The following LAMA4 variants were observed in gnomAD, a reference collection of about 807,000 sequenced individuals.
LAMA4 encodes laminin subunit alpha-4.
LAMA4 carries 127 observed loss-of-function variants against 207.1 expected under a neutral mutation model. The ratio of observed to expected loss-of-function variants is 0.61; its 90% confidence interval spans 0.53 to 0.71. The LOEUF is 0.71. Ranked by LOEUF, LAMA4 falls within the 30% of genes least tolerant of loss-of-function variation. The pLI is 0.00. For synonymous variants in LAMA4, 761 were observed against 816.0 expected, an observed-to-expected ratio of 0.93 and a Z score of 1.15; for missense variants, 2,093 against 2,246.5, an observed-to-expected ratio of 0.93 and a Z score of 1.38.
intron 9 of LAMA4, among the ~76,000 whole-genome samples, chr6:112,181,851 C>T (rs1782379105): frequency 6.6e-6 from 1 of 152,144 alleles, no homozygotes; most frequent in Non-Finnish European, 1.5e-5. Context: ...GTAATTCCAG[C>T]ACTTTGGGAG....
Position 112,133,504 on chromosome 6 carries a change from G to A in LAMA4, c.3558-17C>T, listed in dbSNP as rs369354617. The A allele has an allele frequency of 4.8e-5, 77 of 1,613,394 alleles. No individual in the cohort carries two copies. The Middle Eastern group carries it at 9.9e-4, about 21-fold the overall frequency. On this transcript the variant is annotated splice_polypyrimidine_tract_variant and intron_variant, in intron 26 of 38. Coordinates refer to ENST00000230538, the MANE Select transcript of LAMA4 (RefSeq NM_001105206.3). ...CTGAGGGCCCTGGAAAAGAAAGTCAGCCTCACTGATACAGCCATGATGATG... is the reference window on the plus strand; with the variant it reads ...CTGAGGGCCCTGGAAAAGAAAGTCAACCTCACTGATACAGCCATGATGATG...
chr6:112,223,357 A>C (rs1227317517), intron 2 of LAMA4, among the ~76,000 whole-genome samples: 2 of 152,220 alleles, frequency 1.3e-5, no homozygotes, highest in Non-Finnish European at 2.9e-5. Flanking sequence ...TTGACTCCTT[A>C]GCTACTTAGA....
Position 112,178,155 on chromosome 6 carries a change from T to C in LAMA4, c.1155A>G (p.Val385=), listed in dbSNP as rs782668265. 5 of 1,613,866 alleles carry C rather than the reference T, an allele frequency of 3.1e-6. No individual in the cohort carries two copies. The highest frequency in any genetic ancestry group is 4.5e-5 in the East Asian group (2 of 44,868). The change falls in exon 10 of 39, where the codon GTA becomes GTG. Residue 385 remains valine (V), a synonymous_variant. Transcript: ENST00000230538. ...MDTINHASQL[V]EQAHDMRDKI... The stretch of plus-strand genomic sequence containing the variant: ...TATCCCTCATATCATGGGCTTGCTC[T>C]ACCAGCTGACTTGCGTGGTTAATGG...
chr6:112,110,148 G>A (rs587675204), intron 38 of LAMA4, among the ~76,000 whole-genome samples: 2 of 152,278 alleles, frequency 1.3e-5, no homozygotes, highest in East Asian at 3.9e-4. Context: ...ATGATAACTC[G>A]CTTAGTCTTT....
At chr6:112,209,943 C>T (rs1784271554) in intron 3 of LAMA4, among the ~76,000 whole-genome samples, 1 of 151,958 alleles carries the variant, frequency 6.6e-6, no homozygotes, top group African/African-American at 2.4e-5. Context: ...GCGTGATTCC[C>T]CTAGTGCTGT....
chr6:112,239,789 T>C (rs1434881658), intron 2 of LAMA4, among the ~76,000 whole-genome samples: 1 of 152,096 alleles, frequency 6.6e-6, no homozygotes, highest in Non-Finnish European at 1.5e-5. Context: ...TGAGGCCGGG[T>C]GCGGTGGCTC....
At chr6:112,183,768 T>C (rs1472911932) in intron 9 of LAMA4, among the ~76,000 whole-genome samples, 1 of 151,782 alleles carries the variant, frequency 6.6e-6, no homozygotes, top group East Asian at 1.9e-4. Flanking sequence ...CTGGCTAACA[T>C]GGTGAAACTC....
intron 12 of LAMA4, among the ~76,000 whole-genome samples, chr6:112,167,132 A>G (rs1781426083): frequency 6.6e-6 from 1 of 152,246 alleles, no homozygotes; most frequent in African/African-American, 2.4e-5. Flanking sequence ...GTACATGTCA[A>G]AATGATTAAG....
At chr6:112,122,645 T>C (rs1252010765) in intron 31 of LAMA4, among the ~76,000 whole-genome samples, 1 of 152,218 alleles carries the variant, frequency 6.6e-6, no homozygotes, top group Non-Finnish European at 1.5e-5. Context: ...AAAGTTAACA[T>C]AGCAACATCT....
intron 13 of LAMA4, 57 bp from the exon 14 acceptor site, chr6:112,158,937 C>A: frequency 8.3e-7 from 1 of 1,201,010 alleles, no homozygotes; most frequent in South Asian, 1.3e-5. Context: ...AAACATTTTT[C>A]CTAGGCACCA....
intron 13 of LAMA4, among the ~76,000 whole-genome samples, chr6:112,162,517 A>G (rs1554338667): frequency 1.3e-5 from 2 of 152,060 alleles, no homozygotes; most frequent in Admixed American, 6.5e-5. Context: ...AATAGAAAGA[A>G]AGAAATCAAG....
At chr6:112,150,680 G>A in intron 16 of LAMA4, 53 bp from the exon 17 acceptor site, 1 of 1,254,064 alleles carries the variant, frequency 8.0e-7, no homozygotes, top group East Asian at 2.3e-5. Flanking sequence ...GCCTCGAAAA[G>A]GATTCCATTT....
At chr6:112,171,294 G>A (rs782326422) in intron 12 of LAMA4, among the ~76,000 whole-genome samples, 13 of 151,228 alleles carry the variant, frequency 8.6e-5, no homozygotes, top group African/African-American at 2.7e-4. Flanking sequence ...AAGTTGCAGC[G>A]TCAAAAGCAC....
intron 2 of LAMA4, among the ~76,000 whole-genome samples, chr6:112,221,347 T>A (rs1159624301): frequency 6.6e-6 from 1 of 152,202 alleles, no homozygotes; most frequent in Non-Finnish European, 1.5e-5. Context: ...ATATGACATA[T>A]ATTGACTCAA....
chr6:112,180,453 G>A (rs149232564), intron 9 of LAMA4, among the ~76,000 whole-genome samples: 73 of 152,262 alleles, frequency 4.8e-4, no homozygotes, highest in African/African-American at 1.7e-3. Flanking sequence ...CTGTAACTTT[G>A]CCTGTGGAAG....
At chr6:112,171,722 A>G (rs1781727100) in intron 12 of LAMA4, 1 of 153,440 alleles carries the variant, frequency 6.5e-6, no homozygotes, top group Non-Finnish European at 1.5e-5. Context: ...ATTCTAAAAA[A>G]TATTGGCTAG....
chr6:112,249,017 C>T (rs1248972611), intron 2 of LAMA4, among the ~76,000 whole-genome samples: 3 of 152,206 alleles, frequency 2.0e-5, no homozygotes, highest in East Asian at 1.9e-4. Flanking sequence ...TTCTTTCTTA[C>T]GTGAGTAGTT....
At chr6:112,133,632 C>G (rs1272681305) in intron 26 of LAMA4, 145 bp from the exon 27 acceptor site, 6 of 1,031,896 alleles carry the variant, frequency 5.8e-6, no homozygotes, top group East Asian at 2.5e-5. Context: ...GATAGGCACA[C>G]AGCAATGTCT....
chr6:112,153,458 T>G (rs1780514635), intron 16 of LAMA4, among the ~76,000 whole-genome samples: 1 of 152,120 alleles, frequency 6.6e-6, no homozygotes, highest in Non-Finnish European at 1.5e-5. Flanking sequence ...AACAGGCTAA[T>G]GCAGAGAGAT....
Sources: gnomAD v4.1 joint callset for allele counts (sites outside exome capture counted in the v4.1 genomes callset) on GRCh38, gnomAD v4.1.1 for gene constraint, MANE v1.5 for transcripts, NCBI Gene and HGNC (gene_info 2026-07-23, HGNC 2026-07-21) for gene names.